Variants in CCDC150 observed in about 807,000 individuals in gnomAD.
The protein encoded by CCDC150 is coiled-coil domain-containing protein 150.
A neutral mutation model predicts 156.5 loss-of-function variants in CCDC150; 151 were observed. The ratio of observed to expected loss-of-function variants is 0.97; its 90% CI spans 0.85 to 1.10. The LOEUF is 1.10. Among genes scored for constraint, CCDC150 ranks in the 50% least tolerant of loss-of-function variants. CCDC150 has a pLI of 0.00. For missense variants in CCDC150, 1,312 were observed against 1,268.1 expected (o/e 1.03, Z -0.53); for synonymous variants, 452 against 429.4 (o/e 1.05, Z -0.65).
At chr2:196,722,519 C>T (rs1290575925) in intron 21 of CCDC150, among the ~76,000 whole-genome samples, 4 of 151,982 alleles carry the variant, frequency 2.6e-5, no homozygotes, top group Non-Finnish European at 4.4e-5. Context: ...TCAAACAATC[C>T]ACCTGCCTGG....
Position 196,720,618 on chromosome 2 carries a change from G to A in CCDC150, c.2209G>A (p.Asp737Asn), listed in dbSNP as rs1399643627. Reference protein sequence around the residue: ...QRVQKLEAEVDQWQARMLVME... With the variant: ...QRVQKLEAEVNQWQARMLVME... ...GGTGCAGAAGCTGGAAGCTGAAGTGGACCAGTGGCAGGCCAGGATGCTTGT... is the reference window on the plus strand; with the variant it reads ...GGTGCAGAAGCTGGAAGCTGAAGTGAACCAGTGGCAGGCCAGGATGCTTGT... The change falls in exon 20 of 28, where the codon GAC (aspartate) becomes AAC (asparagine). Residue 737 changes from aspartate (D) to asparagine (N), a missense_variant. By Grantham distance (23) the Asp-to-Asn change is conservative. Transcript: ENST00000389175. The A allele has an allele frequency of 6.2e-7, 1 of 1,613,770 alleles. No homozygotes were observed. Among genetic ancestry groups the A allele is most frequent in the Non-Finnish European group, 8.5e-7 (1 of 1,179,848 alleles).
intron 10 of CCDC150, 87 bp downstream of exon 10, chr2:196,674,435 T>G (rs1283949223): frequency 2.7e-6 from 2 of 741,796 alleles, no homozygotes; most frequent in African/African-American, 3.6e-5. Flanking sequence ...AAATAAAATA[T>G]TTTAACAATA....
intron 6 of CCDC150, among the ~76,000 whole-genome samples, chr2:196,666,305 T>C (rs1693835124): frequency 6.6e-6 from 1 of 152,238 alleles, no homozygotes; most frequent in Non-Finnish European, 1.5e-5. Flanking sequence ...TTTATTATTT[T>C]AACCAATGGA....
In CCDC150 at chr2:196,720,659, C is replaced by T; in HGVS notation, c.2250C>T (p.His750=). 1 of 1,613,312 alleles carries T rather than the reference C, an allele frequency of 6.2e-7. No individual in the cohort carries two copies. Among genetic ancestry groups the T allele is most frequent in the Non-Finnish European group, 8.5e-7 (1 of 1,179,440 alleles). The change falls in exon 20 of 28, where the codon CAC becomes CAT. Residue 750 remains histidine (H), a synonymous_variant. Coordinates refer to ENST00000389175, the MANE Select transcript of CCDC150 (RefSeq NM_001080539.2). ...QARMLVMEDQ[H]NSEIESLQKA... is the part of the protein sequence containing the mutation. Reference sequence around the variant, plus strand: ...GGATGCTTGTCATGGAGGACCAGCACAACAGTGAGGTTGGAGCCAGGCTTT... The same window carrying T: ...GGATGCTTGTCATGGAGGACCAGCATAACAGTGAGGTTGGAGCCAGGCTTT...
chr2:196,683,348 G>A (rs1288811408), intron 13 of CCDC150, among the ~76,000 whole-genome samples: 1 of 151,970 alleles, frequency 6.6e-6, no homozygotes, highest in East Asian at 1.9e-4. Context: ...AACTAAGCTT[G>A]CATTCCTTGG....
chr2:196,651,801 A>G (rs916151357), intron 2 of CCDC150, among the ~76,000 whole-genome samples: 10 of 152,232 alleles, frequency 6.6e-5, no homozygotes, highest in Non-Finnish European at 1.3e-4. Flanking sequence ...ATTTATAAAG[A>G]AAAGAGATAT....
rs759613655 is a variant in CCDC150 at position 196,640,677 on chromosome 2, T to C, written c.12+899T>C. Among the ~76,000 whole-genome samples, 5 of 152,394 alleles carry C rather than the reference T, an allele frequency of 3.3e-5. No homozygotes were observed. The South Asian group carries it at 6.2e-4, about 19-fold the overall frequency. ...AAAACCCTGTAGTAATCTTGGCTTC[T>C]TCCTTTCCCTCATATCTCATATCTA... On this transcript the variant is annotated intron_variant, in intron 1 of 27. Transcript: ENST00000389175.
chr2:196,727,483 C>G (rs557285953), intron 22 of CCDC150: 6 of 152,234 alleles, frequency 3.9e-5, no homozygotes, highest in Non-Finnish European at 7.4e-5. Context: ...TAAAATAATT[C>G]CTTGGTTGGC....
At chr2:196,694,237 G>T (rs554326169) in intron 13 of CCDC150, among the ~76,000 whole-genome samples, 1 of 151,814 alleles carries the variant, frequency 6.6e-6, no homozygotes, top group Admixed American at 6.6e-5. Context: ...TGCATTTTTA[G>T]TAGCAATGAG....
At chr2:196,720,043 C>G (rs1486743415) in intron 19 of CCDC150, 1 of 323,176 alleles carries the variant, frequency 3.1e-6, no homozygotes, top group Non-Finnish European at 6.3e-6. Flanking sequence ...ATTAATTATC[C>G]ATTTATTACT....
chr2:196,663,835 C>T (rs1037389510), intron 5 of CCDC150, among the ~76,000 whole-genome samples: 4 of 152,006 alleles, frequency 2.6e-5, no homozygotes, highest in Non-Finnish European at 4.4e-5. Flanking sequence ...CTCTTAATGT[C>T]ATCTACGCTG....
At chr2:196,720,353 A>C (rs1697807508) in intron 19 of CCDC150, 2 of 503,476 alleles carry the variant, frequency 4.0e-6, no homozygotes, top group Non-Finnish European at 7.3e-6. Context: ...AATACTATTC[A>C]CAATAAATTT....
chr2:196,641,204 C>T (rs1692209021), intron 1 of CCDC150, among the ~76,000 whole-genome samples: 1 of 152,100 alleles, frequency 6.6e-6, no homozygotes, highest in Non-Finnish European at 1.5e-5. Flanking sequence ...GTCTCGATCT[C>T]CTGACCTCTT....
intron 24 of CCDC150, 24 bp downstream of exon 24, chr2:196,729,885 T>A: frequency 1.9e-6 from 3 of 1,601,358 alleles, no homozygotes; most frequent in Non-Finnish European, 2.6e-6. Flanking sequence ...ATATACTCTG[T>A]GTTTACCTTT....
At chr2:196,690,860 T>G (rs1157251141) in intron 13 of CCDC150, among the ~76,000 whole-genome samples, 2 of 152,176 alleles carry the variant, frequency 1.3e-5, no homozygotes, top group Non-Finnish European at 1.5e-5. Context: ...ATGGCTCTTA[T>G]TATTTTGTGG....
chr2:196,723,466 C>A (rs1328690921), intron 21 of CCDC150, among the ~76,000 whole-genome samples: 1 of 152,120 alleles, frequency 6.6e-6, no homozygotes, highest in Non-Finnish European at 1.5e-5. Context: ...CAGGCCACTG[C>A]ACTCCAGCCT....
chr2:196,689,220 C>T (rs1028595748), intron 13 of CCDC150, among the ~76,000 whole-genome samples: 11 of 151,958 alleles, frequency 7.2e-5, no homozygotes, highest in Admixed American at 2.0e-4. Context: ...ATTGACTTGG[C>T]GATGTGGGCT....
In CCDC150 at chr2:196,657,068, G is replaced by A. The variant is rs541438855; in HGVS notation, c.508G>A (p.Glu170Lys). Residue 170 changes from glutamate to lysine, a missense_variant, in exon 4 of 28, where the codon GAA (glutamate) becomes AAA (lysine). By Grantham distance (56) the Glu-to-Lys change is moderately conservative. Coordinates refer to ENST00000389175, the MANE Select transcript of CCDC150 (RefSeq NM_001080539.2). ...CCAGCAACTGAGAGCTGTAAAAGAG[G>A]AAGAAGACAAGGCACAAGATGAGGT... ...LRQQLRAVKE[E>K]EDKAQDEVQR... The A allele has an allele frequency of 1.9e-6, 3 of 1,613,860 alleles. No homozygotes were observed. The South Asian group carries it at 3.3e-5, about 18-fold the overall frequency.
At chr2:196,730,722 A>G in intron 25 of CCDC150, 137 bp from the exon 26 acceptor site, 1 of 642,566 alleles carries the variant, frequency 1.6e-6, no homozygotes. Context: ...TTTTTATCTC[A>G]TATGTCAGTA....
Sources: allele counts gnomAD v4.1 joint callset (sites outside exome capture counted in the v4.1 genomes callset), GRCh38; gene constraint gnomAD v4.1.1; transcripts MANE v1.5; gene names NCBI Gene and HGNC (gene_info 2026-07-23, HGNC 2026-07-21).